Variants in FHIT observed in about 807,000 individuals in gnomAD.
The protein encoded by FHIT is bis(5'-adenosyl)-triphosphatase.
Under a neutral mutation model 17.9 loss-of-function variants are expected in FHIT, and 19 were observed. The observed-to-expected ratio is 1.06, with a 90% CI of 0.74 to 1.56. The LOEUF is 1.56. Ranked by LOEUF, FHIT falls within the 40% of genes most tolerant of loss-of-function variation. The pLI is 0.00. For synonymous variants in FHIT, 81 were observed against 69.7 expected (o/e 1.16, Z -0.81); for missense variants, 248 against 189.2 (o/e 1.31, Z -1.82).
At chr3:60,748,428 C>T (rs2042400982) in intron 4 of FHIT, among the ~76,000 whole-genome samples, 1 of 152,162 alleles carries the variant, frequency 6.6e-6, no homozygotes. Context: ...CCAGGACCCT[C>T]TCTCGCCCTC....
chr3:61,041,870 T>C lies in FHIT; in HGVS notation c.-111+177A>G, dbSNP rs559639479. On this transcript the variant is annotated intron_variant, in intron 3 of 9. Coordinates refer to ENST00000492590, the MANE Select transcript of FHIT (RefSeq NM_002012.4). ...AAGTGAGAATTTCAAAATCTTTGTGTAGTTCTTGAAAGTATAGTGCAGTAT... is the reference window on the plus strand; with the variant it reads ...AAGTGAGAATTTCAAAATCTTTGTGCAGTTCTTGAAAGTATAGTGCAGTAT... 1.0e-3 allele frequency among the ~76,000 whole-genome samples: 155 copies of C among 152,314 alleles called. 3 individuals are homozygous for C. The highest frequency in any genetic ancestry group is 8.5e-4 in the Admixed American group (13 of 15,304).
At chr3:61,172,115 A>C (rs2038023058) in intron 2 of FHIT, among the ~76,000 whole-genome samples, 1 of 152,188 alleles carries the variant, frequency 6.6e-6, no homozygotes, top group Non-Finnish European at 1.5e-5. Context: ...AGGGTGCAGA[A>C]AGAAGAAAAT....
chr3:60,400,564 T>C (rs1701622082), intron 5 of FHIT, among the ~76,000 whole-genome samples: 2 of 152,116 alleles, frequency 1.3e-5, no homozygotes, highest in South Asian at 2.1e-4. Context: ...AAACATCTGC[T>C]GGTCACCAAG....
At chr3:60,407,255 G>C (rs1277507362) in intron 5 of FHIT, among the ~76,000 whole-genome samples, 1 of 151,710 alleles carries the variant, frequency 6.6e-6, no homozygotes, top group East Asian at 1.9e-4. Flanking sequence ...AATCCACCTT[G>C]TGCTTCGGTT....
At chr3:59,927,637 C>T (rs1258599324) in intron 7 of FHIT, among the ~76,000 whole-genome samples, 4 of 151,846 alleles carry the variant, frequency 2.6e-5, no homozygotes, top group African/African-American at 9.7e-5. Context: ...GGCGTGGTGG[C>T]ACATGCCTGT....
chr3:59,856,470 A>G (rs912822179), intron 8 of FHIT, among the ~76,000 whole-genome samples: 3 of 152,232 alleles, frequency 2.0e-5, no homozygotes, highest in Admixed American at 1.3e-4. Context: ...AAATCAGTAT[A>G]ACCCTGTTAC....
intron 5 of FHIT, among the ~76,000 whole-genome samples, chr3:60,259,423 G>T (rs901925925): frequency 3.9e-5 from 6 of 152,156 alleles, no homozygotes; most frequent in Non-Finnish European, 7.4e-5. Context: ...GGAAGAAGAT[G>T]AGTAGTGGGT....
chr3:59,952,744 C>G (rs141773595), intron 7 of FHIT, among the ~76,000 whole-genome samples: 69 of 152,168 alleles, frequency 4.5e-4, no homozygotes, highest in Admixed American at 7.2e-4. Context: ...TGGAACCAAG[C>G]GCTGGTTCTG....
intron 7 of FHIT, among the ~76,000 whole-genome samples, chr3:59,972,121 A>G (rs1456439034): frequency 6.6e-6 from 1 of 152,106 alleles, no homozygotes; most frequent in Admixed American, 6.6e-5. Flanking sequence ...AGCTAGCAAG[A>G]TGGCACTAGT....
chr3:60,555,244 G>A (rs2036703644), intron 4 of FHIT, among the ~76,000 whole-genome samples: 1 of 152,176 alleles, frequency 6.6e-6, no homozygotes, highest in Admixed American at 6.5e-5. Flanking sequence ...GTCGGTTAAA[G>A]GAAATCATAA....
At chr3:61,078,915 T>TC (rs1293682265) in intron 2 of FHIT, among the ~76,000 whole-genome samples, 1 of 152,206 alleles carries the variant, frequency 6.6e-6, no homozygotes, top group Non-Finnish European at 1.5e-5. Flanking sequence ...AATATAATTT[T>TC]CATATATGAA....
intron 4 of FHIT, among the ~76,000 whole-genome samples, chr3:60,733,432 TTTTTG>T (rs1235423342): frequency 6.6e-5 from 10 of 152,274 alleles, no homozygotes; most frequent in South Asian, 2.1e-4. Flanking sequence ...ATTTGTGTGG[TTTTTG>T]TTTTGTTTTG....
At chr3:60,348,057 C>T (rs73107015) in intron 5 of FHIT, among the ~76,000 whole-genome samples, 21,723 of 151,982 alleles carry the variant, frequency 0.14, 1,642 homozygotes, top group Non-Finnish European at 0.16. Context: ...CCACACCTGG[C>T]CTACCCTTTC....
rs1253314789 is a variant in FHIT at position 60,497,638 on chromosome 3, G to A, written c.103+39222C>T. 2.6e-5 allele frequency among the ~76,000 whole-genome samples: 4 copies of A among 152,122 alleles called. No homozygotes were observed. In the South Asian group the frequency reaches 8.3e-4, roughly 32 times the overall value. Reference sequence around the variant, plus strand: ...GTGGAAGAACCCAGGATTCATCCAGGATCACAGGATCATTTCATTATTACA... The same window carrying A: ...GTGGAAGAACCCAGGATTCATCCAGAATCACAGGATCATTTCATTATTACA... On this transcript the variant is annotated intron_variant, in intron 5 of 9. Coordinates refer to ENST00000492590, the MANE Select transcript of FHIT (RefSeq NM_002012.4).
chr3:60,098,911 T>C (rs1704077886), intron 5 of FHIT, among the ~76,000 whole-genome samples: 1 of 152,190 alleles, frequency 6.6e-6, no homozygotes, highest in Admixed American at 6.5e-5. Context: ...ACCCCTGTGA[T>C]GTTCAAGGGT....
Position 59,922,353 on chromosome 3 carries a change from T to A in FHIT, c.341A>T (p.Tyr114Phe), listed in dbSNP as rs141172262. ...AGDFHRNDSI[Y>F]EELQKHDKED... ...CAGAGAGAACAGACCCACCTCCTCA[T>A]AGATGCTGTCATTCCTGTGAAAGTC... The change falls in exon 8 of 10, where the codon TAT (tyrosine) becomes TTT (phenylalanine). Residue 114 changes from tyrosine (Y) to phenylalanine (F), a missense_variant. Transcript: ENST00000492590. 1.9e-6 allele frequency: 3 copies of A among 1,613,426 alleles called. No individual in the cohort carries two copies. The highest frequency in any genetic ancestry group is 3.3e-5 in the Admixed American group (2 of 59,982).
intron 5 of FHIT, among the ~76,000 whole-genome samples, chr3:60,300,629 TATAA>T (rs1708419619): frequency 6.6e-6 from 1 of 152,110 alleles, no homozygotes; most frequent in Non-Finnish European, 1.5e-5. Flanking sequence ...TCAGTCAAGA[TATAA>T]ATAAAGGGCA....
chr3:59,919,318 C>T lies in FHIT; in HGVS notation c.348+3028G>A, dbSNP rs115286608. Among the ~76,000 whole-genome samples, 676 of 152,168 alleles carry T rather than the reference C, an allele frequency of 4.4e-3. 6 individuals are homozygous for T. Among genetic ancestry groups the T allele is most frequent in the African/African-American group, 0.015 (617 of 41,538 alleles). ...CTCTTTAAGTGTTCATTTTTTTTCA[C>T]TTTGACCCGTTATTATGGAGAGCTA... On this transcript the variant is annotated intron_variant, in intron 8 of 9. Transcript: ENST00000492590.
At chr3:60,017,241 T>A (rs1700376768) in intron 5 of FHIT, among the ~76,000 whole-genome samples, 2 of 152,096 alleles carry the variant, frequency 1.3e-5, no homozygotes, top group Non-Finnish European at 2.9e-5. Flanking sequence ...AAGAAACACC[T>A]AACCTTGGAA....
Sources: gnomAD v4.1 joint callset for allele counts (sites outside exome capture counted in the v4.1 genomes callset) on GRCh38, gnomAD v4.1.1 for gene constraint, MANE v1.5 for transcripts, NCBI Gene and HGNC (gene_info 2026-07-23, HGNC 2026-07-21) for gene names.